Variants in STAG1 observed in about 807,000 individuals in gnomAD.
The protein encoded by STAG1 is cohesin subunit SA-1.
Under a neutral mutation model 170.9 loss-of-function variants are expected in STAG1, and 26 were observed. That is an observed-to-expected ratio of 0.15 (90% CI 0.11 to 0.21). STAG1 has a LOEUF of 0.21. Ranked by LOEUF, STAG1 falls within the 10% of genes least tolerant of loss-of-function variation. The pLI is 1.00. For synonymous variants in STAG1, 514 were observed against 497.7 expected, an observed-to-expected ratio of 1.03 and a Z score of -0.44; for missense variants, 964 against 1,509.5, an observed-to-expected ratio of 0.64 and a Z score of 5.99.
intron 26 of STAG1, among the ~76,000 whole-genome samples, chr3:136,362,171 C>T (rs1264006713): frequency 6.6e-6 from 1 of 151,486 alleles, no homozygotes; most frequent in South Asian, 2.1e-4. Flanking sequence ...GTTGACCAGG[C>T]TGGTCTCGAA....
chr3:136,531,890 C>T (rs1935391465), intron 6 of STAG1, among the ~76,000 whole-genome samples: 2 of 143,004 alleles, frequency 1.4e-5, no homozygotes, highest in Non-Finnish European at 3.0e-5. Flanking sequence ...TGCACATGTA[C>T]CCTAAAACTT....
chr3:136,558,162 TG>T (rs769051127), intron 5 of STAG1, among the ~76,000 whole-genome samples: 5 of 152,072 alleles, frequency 3.3e-5, no homozygotes, highest in Non-Finnish European at 7.4e-5. Context: ...GAGCCCAAGG[TG>T]GGCAGGTCAC....
rs1803739 is a variant in STAG1, at chr3:136,610,617, C to T, written c.133-6144G>A. Among the ~76,000 whole-genome samples, 17 of 152,192 alleles carry T rather than the reference C, an allele frequency of 1.1e-4. No individual in the cohort carries two copies. The South Asian group carries it at 3.5e-3, about 32-fold the overall frequency. ...CTCCAAATTTTAAGCTGGAAAGTCA[C>T]TGGAATAACTTTAAAAAAGAATTAC... On this transcript the variant is annotated intron_variant, in intron 3 of 33. Coordinates refer to ENST00000383202, the MANE Select transcript of STAG1 (RefSeq NM_005862.3).
At chr3:136,464,290 G>A (rs967996255) in intron 13 of STAG1, among the ~76,000 whole-genome samples, 1 of 152,018 alleles carries the variant, frequency 6.6e-6, no homozygotes, top group Non-Finnish European at 1.5e-5. Context: ...GGGCAGGGTG[G>A]CGCATGCCTG....
intron 21 of STAG1, among the ~76,000 whole-genome samples, chr3:136,416,013 C>CTT (rs144024289): frequency 1.4e-5 from 2 of 147,534 alleles, no homozygotes; most frequent in African/African-American, 2.5e-5. Flanking sequence ...AGCCATAAAA[C>CTT]TTTTTTTTTT....
intron 9 of STAG1, among the ~76,000 whole-genome samples, chr3:136,489,553 T>C (rs2090081031): frequency 6.6e-6 from 1 of 152,072 alleles, no homozygotes; most frequent in South Asian, 2.1e-4. Flanking sequence ...GGAGAAATAA[T>C]TATGAATGGC....
chr3:136,516,102 T>C (rs1437020117), intron 7 of STAG1, among the ~76,000 whole-genome samples: 1 of 152,192 alleles, frequency 6.6e-6, no homozygotes. Context: ...TAATACCAGA[T>C]TGCTCTAAAA....
intron 1 of STAG1, among the ~76,000 whole-genome samples, chr3:136,674,116 A>AG (rs1942056449): frequency 1.1e-5 from 1 of 91,790 alleles, no homozygotes; most frequent in Non-Finnish European, 2.1e-5. Context: ...AAAAAAAAAA[A>AG]GGGAGGGAGG....
At chr3:136,421,974 C>T (rs1265427000) in intron 19 of STAG1, among the ~76,000 whole-genome samples, 1 of 151,602 alleles carries the variant, frequency 6.6e-6, no homozygotes, top group East Asian at 1.9e-4. Flanking sequence ...ATGGTGAAAA[C>T]CCATTTCTAC....
chr3:136,581,406 CAT>C (rs1559890668), intron 4 of STAG1, among the ~76,000 whole-genome samples: 1 of 152,036 alleles, frequency 6.6e-6, no homozygotes, highest in African/African-American at 2.4e-5. Flanking sequence ...TGTTGCAATA[CAT>C]ATAAGTTATT....
chr3:136,402,901 A>G (rs2087370932), intron 21 of STAG1, among the ~76,000 whole-genome samples: 1 of 152,012 alleles, frequency 6.6e-6, no homozygotes, highest in Non-Finnish European at 1.5e-5. Flanking sequence ...CCTACTTGAG[A>G]CTGACAATAA....
rs140842811 is a variant in STAG1, at chr3:136,584,697, G to A, written c.298-15836C>T. ...GTAGGTCTGAGGAGAAGCTAGCAAGGAACATACCAAGGCAAGCCTCTGAGT... is the reference window on the plus strand; with the variant it reads ...GTAGGTCTGAGGAGAAGCTAGCAAGAAACATACCAAGGCAAGCCTCTGAGT... On this transcript the variant is annotated intron_variant, in intron 4 of 33. Coordinates refer to ENST00000383202, the MANE Select transcript of STAG1 (RefSeq NM_005862.3). Among the ~76,000 whole-genome samples the A allele has an allele frequency of 6.4e-3, 981 of 152,292 alleles. 12 individuals are homozygous for A. Among genetic ancestry groups the A allele is most frequent in the African/African-American group, 0.022 (932 of 41,554 alleles).
intron 15 of STAG1, among the ~76,000 whole-genome samples, chr3:136,433,869 A>T (rs1310606040): frequency 6.6e-6 from 1 of 152,174 alleles, no homozygotes; most frequent in African/African-American, 2.4e-5. Flanking sequence ...AAAGTAAAGA[A>T]TAAGAGGATA....
At chr3:136,655,573 G>A (rs1219398591) in intron 1 of STAG1, among the ~76,000 whole-genome samples, 1 of 152,174 alleles carries the variant, frequency 6.6e-6, no homozygotes, top group East Asian at 1.9e-4. Context: ...GGCCAGCCTG[G>A]CCAACATGGT....
chr3:136,488,813 C>T (rs976843680), intron 9 of STAG1, among the ~76,000 whole-genome samples: 2 of 152,192 alleles, frequency 1.3e-5, no homozygotes, highest in African/African-American at 4.8e-5. Flanking sequence ...TTGATTACAA[C>T]ATATCTTTTG....
intron 1 of STAG1, among the ~76,000 whole-genome samples, chr3:136,673,231 G>A (rs1942031617): frequency 6.6e-6 from 1 of 152,154 alleles, no homozygotes; most frequent in Non-Finnish European, 1.5e-5. Context: ...TTTCAAAAAT[G>A]AGGAAGAATA....
In STAG1 at chr3:136,695,382, C is replaced by T. The variant is rs556647313; in HGVS notation, c.-84+56813G>A. 9.7e-4 allele frequency among the ~76,000 whole-genome samples: 146 copies of T among 150,830 alleles called. 1 individual carries two copies. Among genetic ancestry groups the T allele is most frequent in the African/African-American group, 3.3e-3 (134 of 41,008 alleles). On this transcript the variant is annotated intron_variant, in intron 1 of 33. Coordinates refer to ENST00000383202, the MANE Select transcript of STAG1 (RefSeq NM_005862.3). ...AAACTGGGAGGTGGAGGTTGCAGTG[C>T]GCCGAGATTGCACCACTGCACTCCA...
chr3:136,529,789 C>G (rs1269454281), intron 6 of STAG1, among the ~76,000 whole-genome samples: 3 of 151,974 alleles, frequency 2.0e-5, no homozygotes, highest in South Asian at 2.1e-4. Context: ...AATCACCAAA[C>G]AACAAAGAAA....
intron 22 of STAG1, among the ~76,000 whole-genome samples, chr3:136,386,316 G>C (rs1349628441): frequency 6.6e-6 from 1 of 152,132 alleles, no homozygotes; most frequent in African/African-American, 2.4e-5. Context: ...TCCAGCCTGG[G>C]CAACAGAGTG....
Sources: gnomAD v4.1 joint callset for allele counts (sites outside exome capture counted in the v4.1 genomes callset) on GRCh38, gnomAD v4.1.1 for gene constraint, MANE v1.5 for transcripts, NCBI Gene and HGNC (gene_info 2026-07-23, HGNC 2026-07-21) for gene names.